STRA6: variants seen among roughly 807,000 people sequenced by gnomAD.
The protein encoded by STRA6 is signaling receptor and transporter of retinol STRA6.
In STRA6, 48 loss-of-function variants were observed where a neutral mutation model predicts 83.6. That is an observed-to-expected ratio of 0.57 (90% CI 0.46 to 0.73). The LOEUF is 0.73. Ranked by LOEUF, STRA6 falls within the 30% of genes least tolerant of loss-of-function variation. The pLI, the probability that STRA6 is intolerant of heterozygous loss-of-function variation, is 0.00. For synonymous variants in STRA6, 353 were observed against 362.3 expected (o/e 0.97, Z 0.29); for missense variants, 760 against 838.8 (o/e 0.91, Z 1.16).
chr15:74,197,581 AGGTTGGACTTGCATCCT>A (rs2073877283), intron 3 of STRA6, 154 bp downstream of exon 3: 1 of 1,093,686 alleles, frequency 9.1e-7, no homozygotes, highest in Non-Finnish European at 1.4e-6. Flanking sequence ...GACATCTGGA[AGGTTGGACTTGCATCCT>A]GGTTTGGGCC....
At chr15:74,209,152 C>A, upstream of STRA6, 1 of 1,302,614 alleles carries the variant, frequency 7.7e-7, no homozygotes, top group Non-Finnish European at 1.0e-6. Context: ...ATCTCCAGCT[C>A]AGGCACAGAG....
upstream of STRA6, chr15:74,209,128 C>A: frequency 7.6e-7 from 1 of 1,308,958 alleles, no homozygotes. Flanking sequence ...ATCAGAGGAA[C>A]CCACCCCACC....
intron 2 of STRA6, among the ~76,000 whole-genome samples, chr15:74,201,545 C>T (rs12911385): frequency 0.31 from 46,795 of 151,984 alleles, 7,365 homozygotes; most frequent in East Asian, 0.45. Context: ...CACCCTGGGG[C>T]GGGCTGCCTT....
At chr15:74,205,490 AACTC>A (rs2074239643), upstream of STRA6, among the ~76,000 whole-genome samples, 1 of 152,168 alleles carries the variant, frequency 6.6e-6, no homozygotes, top group Admixed American at 6.5e-5. Context: ...ATAGAGCGAG[AACTC>A]ACTCATTACC....
In STRA6 at chr15:74,182,395, G is replaced by T. The variant is rs1426361892; in HGVS notation, c.1366C>A (p.Pro456Thr). ...TTALAFLVLM[P>T]VLHGRNLLLF... Reference sequence around the variant, plus strand: ...AGGAGGTTCCTGCCATGGAGCACAGGCATGAGCACCAGGAAGGCCAGGGCC... The same window carrying T: ...AGGAGGTTCCTGCCATGGAGCACAGTCATGAGCACCAGGAAGGCCAGGGCC... Residue 456 changes from proline to threonine, a missense_variant, in exon 15 of 19, where the codon CCT becomes ACT. Pro to Thr is a conservative substitution (Grantham distance 38). Transcript: ENST00000395105. 5 of 1,613,536 alleles carry T rather than the reference G, an allele frequency of 3.1e-6. No individual in the cohort carries two copies. The highest frequency in any genetic ancestry group is 1.7e-5 in the Admixed American group (1 of 59,934).
Position 74,197,785 on chromosome 15 carries a change from G to T in STRA6, c.147C>A (p.Pro49=). 6.2e-7 allele frequency: 1 copy of T among 1,613,670 alleles called. No individual in the cohort carries two copies. The part of the protein sequence containing the change: ...EVPSCHTSIP[P]GLYHACLASL... ...AGGCCAGGCAGGCGTGGTACAGGCC[G>T]GGTGGTATGCTGGTGTGGCAGGAGG... The change falls in exon 3 of 19, where the codon CCC becomes CCA. Residue 49 remains proline (P), a synonymous_variant. Transcript: ENST00000395105.
rs12912258 is a variant in STRA6 at position 74,202,047 on chromosome 15, C to T, written c.113+108G>A. ...GTCACACAGCAAATGAGTGGCAGAG[C>T]CAGACCTAGCAGCCCCTGCCCAGGA... On this transcript the variant is annotated intron_variant, in intron 2 of 18. Coordinates refer to ENST00000395105, the MANE Select transcript of STRA6 (RefSeq NM_022369.4). 0.19 allele frequency: 244,832 copies of T among 1,286,672 alleles called. 26,114 individuals are homozygous for T. Among genetic ancestry groups the T allele is most frequent in the Non-Finnish European group, 0.21 (215,349 of 1,002,822 alleles). The allele number at this position is 1,286,672 out of a possible 1,614,324, so 79.7% of individuals were successfully genotyped here. A position where few individuals can be genotyped will look rare whatever the true frequency, so the allele number is the denominator to read the frequency against.
chr15:74,196,267 A>G lies in STRA6; in HGVS notation c.267-120T>C. 6 of 1,412,118 alleles carry G rather than the reference A, an allele frequency of 4.2e-6. No homozygotes were observed. In the South Asian group the frequency reaches 7.4e-5, roughly 17 times the overall value. The allele number at this position is 1,412,118 out of a possible 1,614,324, so 87.5% of individuals were successfully genotyped here. On this transcript the variant is annotated intron_variant, in intron 4 of 18. Coordinates refer to ENST00000395105, the MANE Select transcript of STRA6 (RefSeq NM_022369.4). The stretch of plus-strand genomic sequence containing the variant: ...TCAGTCCCACTTTCTAGATGGGGGA[A>G]TAAGGCCCCTTCATTCATTCATTCC...
At position 74,202,719 on chromosome 15, in the gene STRA6, G is replaced by A. The variant is rs2074136729; in HGVS notation, c.-22C>T. 2.4e-6 allele frequency: 3 copies of A among 1,255,094 alleles called. No individual in the cohort carries two copies. The highest frequency in any genetic ancestry group is 3.3e-5 in the South Asian group (1 of 30,420). 77.7% of individuals were successfully genotyped at this position (1,255,094 alleles called of 1,614,324 possible). A position where few individuals can be genotyped will look rare whatever the true frequency, so the allele number is the denominator to read the frequency against. On this transcript the variant is annotated 5_prime_UTR_variant, in exon 1 of 19. Coordinates refer to ENST00000395105, the MANE Select transcript of STRA6 (RefSeq NM_022369.4). Reference sequence around the variant, plus strand: ...GACAGACCCACAGACACACCAGAAGGGAGGCCCAGGGAGGAAGGAGTTGCA... The same window carrying A: ...GACAGACCCACAGACACACCAGAAGAGAGGCCCAGGGAGGAAGGAGTTGCA...
chr15:74,191,615 T>C (rs935200167), intron 8 of STRA6, 124 bp from the exon 9 acceptor site: 2 of 823,864 alleles, frequency 2.4e-6, no homozygotes, highest in African/African-American at 3.4e-5. Flanking sequence ...GCCATGGCGG[T>C]GGTGGTGAGT....
intron 18 of STRA6, 43 bp downstream of exon 18, chr15:74,180,739 G>A: frequency 6.4e-7 from 1 of 1,570,908 alleles, no homozygotes; most frequent in South Asian, 1.2e-5. Context: ...CCTAGAAGAA[G>A]CTGGGTAGGC....
chr15:74,190,729 A>C, intron 11 of STRA6, 111 bp downstream of exon 11: 3 of 1,522,236 alleles, frequency 2.0e-6, no homozygotes, highest in Middle Eastern at 2.1e-4. Context: ...GCACCTGGTC[A>C]GGGTTCTGGA....
intron 13 of STRA6, among the ~76,000 whole-genome samples, chr15:74,184,666 C>T (rs2073154906): frequency 6.6e-6 from 1 of 152,238 alleles, no homozygotes; most frequent in African/African-American, 2.4e-5. Context: ...GCAGCTTCCC[C>T]AGGCCACCTT....
intron 12 of STRA6, among the ~76,000 whole-genome samples, chr15:74,185,610 C>A (rs2073207410): frequency 6.6e-6 from 1 of 152,212 alleles, no homozygotes; most frequent in Non-Finnish European, 1.5e-5. Flanking sequence ...AGCTCCCTCA[C>A]CCTCTCCCTG....
chr15:74,184,909 T>G, intron 13 of STRA6, 71 bp downstream of exon 13: 11 of 1,503,492 alleles, frequency 7.3e-6, no homozygotes, highest in Non-Finnish European at 1.0e-5. Context: ...GCCCAGGGCC[T>G]CCCCGCAGGC....
chr15:74,202,332 G>C (rs1200126230), intron 1 of STRA6, 50 bp from the exon 2 acceptor site: 4 of 1,583,096 alleles, frequency 2.5e-6, no homozygotes, highest in East Asian at 4.5e-5. Flanking sequence ...TGTGAAAAGA[G>C]GCTTAAAAGA....
chr15:74,204,281 T>A (rs2074204968), upstream of STRA6, among the ~76,000 whole-genome samples: 1 of 152,130 alleles, frequency 6.6e-6, no homozygotes, highest in South Asian at 2.1e-4. Flanking sequence ...CTCCCACCCC[T>A]CCTCCTGCCT....
intron 13 of STRA6, 104 bp downstream of exon 13, chr15:74,184,876 G>T: frequency 1.7e-6 from 2 of 1,196,294 alleles, no homozygotes; most frequent in Non-Finnish European, 2.4e-6. Flanking sequence ...GCCCGGGCCG[G>T]CAGAGCCCTT....
At chr15:74,212,138 G>C (rs1047253417), upstream of STRA6, 2 of 152,926 alleles carry the variant, frequency 1.3e-5, no homozygotes, top group African/African-American at 4.8e-5. Flanking sequence ...TGCTCTGTCT[G>C]TCCCCAGTGC....
Sources: gnomAD v4.1 joint callset for allele counts (sites outside exome capture counted in the v4.1 genomes callset) on GRCh38, gnomAD v4.1.1 for gene constraint, MANE v1.5 for transcripts, NCBI Gene and HGNC (gene_info 2026-07-23, HGNC 2026-07-21) for gene names.